The following CERS6 variants were observed in gnomAD, a reference collection of about 807,000 sequenced individuals.
CERS6 encodes the protein ceramide synthase 6, also known as LAG1 homolog, ceramide synthase 6.
Under a neutral mutation model 56.8 loss-of-function variants are expected in CERS6, and 26 were observed. That is an observed-to-expected ratio of 0.46 (90% CI 0.34 to 0.63). CERS6 has a LOEUF of 0.63. Ranked by LOEUF, CERS6 falls within the 30% of genes least tolerant of loss-of-function variation. The pLI is 0.01. For synonymous variants in CERS6, 164 were observed against 173.3 expected (o/e 0.95, Z 0.42); for missense variants, 415 against 467.5 (o/e 0.89, Z 1.04).
intron 4 of CERS6, chr2:168,644,423 G>A: frequency 1.1e-6 from 1 of 894,960 alleles, no homozygotes; most frequent in Non-Finnish European, 1.3e-6. Flanking sequence ...GAACAAAGGT[G>A]GGGTCAAGCA....
chr2:168,708,032 A>G (rs1559061422), intron 6 of CERS6, among the ~76,000 whole-genome samples: 1 of 152,246 alleles, frequency 6.6e-6, no homozygotes, highest in East Asian at 1.9e-4. Flanking sequence ...TTGTTAGTAT[A>G]CCATTTGGGG....
At chr2:168,614,634 C>A (rs1439168915) in intron 3 of CERS6, among the ~76,000 whole-genome samples, 1 of 152,132 alleles carries the variant, frequency 6.6e-6, no homozygotes, top group East Asian at 1.9e-4. Context: ...CATGACACAG[C>A]AGAGGCAGCC....
At chr2:168,530,907 T>C (rs1034792492) in intron 1 of CERS6, among the ~76,000 whole-genome samples, 2 of 152,212 alleles carry the variant, frequency 1.3e-5, no homozygotes, top group Non-Finnish European at 2.9e-5. Context: ...TTAGAAAGTT[T>C]CTTGTGAATC....
chr2:168,461,552 A>G (rs1693781955), intron 1 of CERS6, among the ~76,000 whole-genome samples: 1 of 152,126 alleles, frequency 6.6e-6, no homozygotes, highest in African/African-American at 2.4e-5. Flanking sequence ...AGAACAACCT[A>G]AAATCAGAGG....
chr2:168,665,100 C>T (rs1361632024), intron 4 of CERS6, among the ~76,000 whole-genome samples: 1 of 152,168 alleles, frequency 6.6e-6, no homozygotes, highest in East Asian at 1.9e-4. Flanking sequence ...ACACAGTTGC[C>T]ACATCTTTTC....
intron 3 of CERS6, among the ~76,000 whole-genome samples, chr2:168,626,863 C>G (rs1684602732): frequency 6.6e-6 from 1 of 152,168 alleles, no homozygotes; most frequent in African/African-American, 2.4e-5. Context: ...GATTCAACTT[C>G]TGGTTCCACT....
chr2:168,474,829 A>G (rs1248064535), intron 1 of CERS6, among the ~76,000 whole-genome samples: 1 of 152,218 alleles, frequency 6.6e-6, no homozygotes, highest in Non-Finnish European at 1.5e-5. Flanking sequence ...ATATTCCTTT[A>G]CAACAAATAA....
chr2:168,630,915 C>A, intron 3 of CERS6, 70 bp from the exon 4 acceptor site: 2 of 683,230 alleles, frequency 2.9e-6, no homozygotes, highest in South Asian at 2.2e-5. Flanking sequence ...TTTTCCCTCC[C>A]TTACATATTT....
At chr2:168,752,680 A>G (rs1406241923) in intron 8 of CERS6, among the ~76,000 whole-genome samples, 2 of 152,186 alleles carry the variant, frequency 1.3e-5, no homozygotes, top group East Asian at 1.9e-4. Flanking sequence ...AGCCATTACT[A>G]TCCGACTTAA....
intron 1 of CERS6, among the ~76,000 whole-genome samples, chr2:168,530,684 C>A (rs1695151035): frequency 6.6e-6 from 1 of 152,080 alleles, no homozygotes; most frequent in African/African-American, 2.4e-5. Flanking sequence ...GTCTAGGGTA[C>A]TTTTTCCTAG....
At chr2:168,743,317 G>T (rs1683983174) in intron 8 of CERS6, among the ~76,000 whole-genome samples, 3 of 152,006 alleles carry the variant, frequency 2.0e-5, no homozygotes, top group Admixed American at 2.0e-4. Flanking sequence ...AAGCAACAAT[G>T]AATTACTAGT....
At position 168,520,598 on chromosome 2, in the gene CERS6, CTTTTTTTTTTT is replaced by C. The variant is rs150724635; in HGVS notation, c.171-26979_171-26969del. On this transcript the variant is annotated intron_variant, in intron 1 of 9. Transcript: ENST00000305747. ...TTAACTCTTTAACATTTACAATATC[CTTTTTTTTTTT>C]TTTTTTTTTTTTTTTTTTGAGAAGC... is the stretch of plus-strand genomic sequence containing the variant. Among the ~76,000 whole-genome samples, 86 of 57,892 alleles carry C rather than the reference CTTTTTTTTTTT, an allele frequency of 1.5e-3. 2 individuals carry two copies. Among genetic ancestry groups the C allele is most frequent in the African/African-American group, 4.1e-3 (73 of 17,604 alleles). 38.0% of individuals were successfully genotyped at this position (57,892 alleles called of 152,430 possible).
At chr2:168,746,788 TATATATATATA>T (rs1684111316) in intron 8 of CERS6, among the ~76,000 whole-genome samples, 1 of 81,382 alleles carries the variant, frequency 1.2e-5, no homozygotes, top group Non-Finnish European at 2.4e-5. Flanking sequence ...TATATATATA[TATATATATATA>T]TATATATATA....
chr2:168,751,560 C>A (rs1411142854), intron 8 of CERS6, among the ~76,000 whole-genome samples: 1 of 152,068 alleles, frequency 6.6e-6, no homozygotes, highest in African/African-American at 2.4e-5. Context: ...TTTCTCAAGC[C>A]TTGCTCTTGA....
chr2:168,698,584 A>G (rs1391365913), intron 6 of CERS6, among the ~76,000 whole-genome samples: 1 of 152,114 alleles, frequency 6.6e-6, no homozygotes, highest in Non-Finnish European at 1.5e-5. Flanking sequence ...CCAGGATCCA[A>G]TCACCTCCCA....
chr2:168,700,572 AAG>A (rs1686781926), intron 6 of CERS6, among the ~76,000 whole-genome samples: 14 of 152,316 alleles, frequency 9.2e-5, no homozygotes, highest in Admixed American at 8.5e-4. Flanking sequence ...CATTAAGTAA[AAG>A]TCCTTATTTT....
intron 6 of CERS6, among the ~76,000 whole-genome samples, chr2:168,705,023 A>G (rs1418534810): frequency 6.6e-6 from 1 of 151,996 alleles, no homozygotes. Flanking sequence ...CCTCAGAGTC[A>G]TTTTCCTCAC....
At chr2:168,500,456 A>T (rs1694559169) in intron 1 of CERS6, among the ~76,000 whole-genome samples, 1 of 152,214 alleles carries the variant, frequency 6.6e-6, no homozygotes, top group Admixed American at 6.5e-5. Context: ...TATTAATGGC[A>T]GATGTTTATT....
At chr2:168,533,593 G>C in intron 1 of CERS6, among the ~76,000 whole-genome samples, 1 of 152,074 alleles carries the variant, frequency 6.6e-6, no homozygotes, top group South Asian at 2.1e-4. Context: ...CTGTTAGTGT[G>C]GTGAGCTTCC....
Sources: allele counts gnomAD v4.1 joint callset (sites outside exome capture counted in the v4.1 genomes callset), GRCh38; gene constraint gnomAD v4.1.1; transcripts MANE v1.5; gene names NCBI Gene and HGNC (gene_info 2026-07-23, HGNC 2026-07-21).